The following N4BP2L1 variants were observed in gnomAD, a reference collection of about 807,000 sequenced individuals.
N4BP2L1 encodes NEDD4 binding protein 2 like 1.
In N4BP2L1, 12 loss-of-function variants were observed where a neutral mutation model predicts 21.2. The observed-to-expected ratio is 0.57, with a 90% CI of 0.36 to 0.92. The LOEUF is 0.92. N4BP2L1 is among the 40% of genes least tolerant of loss of function. The pLI, the probability that N4BP2L1 is intolerant of heterozygous loss-of-function variation, is 0.01. For synonymous variants in N4BP2L1, 104 were observed against 112.8 expected (o/e 0.92, Z 0.49); for missense variants, 259 against 310.6 (o/e 0.83, Z 1.25).
intron 1 of N4BP2L1, 105 bp downstream of exon 1, chr13:32,427,798 CG>C: frequency 1.5e-6 from 1 of 661,280 alleles, no homozygotes; most frequent in South Asian, 7.3e-5. Flanking sequence ...GCACCCGCGG[CG>C]GGGGCGCAAG....
At chr13:32,414,934 C>T (rs2074046223) in intron 1 of N4BP2L1, among the ~76,000 whole-genome samples, 1 of 152,114 alleles carries the variant, frequency 6.6e-6, no homozygotes, top group South Asian at 2.1e-4. Flanking sequence ...AGACAACAGG[C>T]TAGATGAGAA....
In N4BP2L1 at chr13:32,402,055, C is replaced by G; in HGVS notation, c.*887G>C. 2.0e-6 allele frequency: 2 copies of G among 985,438 alleles called. No homozygotes were observed. Among genetic ancestry groups the G allele is most frequent in the East Asian group, 1.1e-4 (1 of 8,820 alleles). The allele number at this position is 985,438 out of a possible 1,614,324, so 61.0% of individuals were successfully genotyped here. On this transcript the variant is annotated 3_prime_UTR_variant, in exon 5 of 5. Coordinates refer to ENST00000380130, the MANE Select transcript of N4BP2L1 (RefSeq NM_052818.3). ...TATATATCCCTGTATGACCTATATC[C>G]TGGGGTGCCTAATTTCTTGCACTCC...
At chr13:32,406,929 G>T (rs1566291517) in intron 3 of N4BP2L1, 2 of 357,560 alleles carry the variant, frequency 5.6e-6, no homozygotes, top group South Asian at 5.2e-5. Flanking sequence ...GTATTGATCT[G>T]AACATTTCGG....
At chr13:32,412,986 C>T (rs1471652156) in intron 1 of N4BP2L1, among the ~76,000 whole-genome samples, 1 of 152,158 alleles carries the variant, frequency 6.6e-6, no homozygotes, top group Admixed American at 6.5e-5. Context: ...TGCAGTGGCA[C>T]GATCTCGGCT....
At chr13:32,405,779 G>A (rs1264726160) in intron 3 of N4BP2L1, among the ~76,000 whole-genome samples, 2 of 151,114 alleles carry the variant, frequency 1.3e-5, no homozygotes, top group African/African-American at 2.4e-5. Context: ...AGCCCCAGAT[G>A]TAAAAAGAAG....
rs780233764 is a variant in N4BP2L1, at chr13:32,402,342, C to G, written c.*600G>C. On this transcript the variant is annotated 3_prime_UTR_variant, in exon 5 of 5. Transcript: ENST00000380130. ...GACAGCATTTTTAACAATGATACATCATTAAAATAAAGAAATAACTTCCCA... is the reference window on the plus strand; with the variant it reads ...GACAGCATTTTTAACAATGATACATGATTAAAATAAAGAAATAACTTCCCA... The G allele has an allele frequency of 3.4e-6, 2 of 585,162 alleles. No homozygotes were observed. The highest frequency in any genetic ancestry group is 4.3e-6 in the Non-Finnish European group (2 of 464,778). 36.2% of individuals were successfully genotyped at this position (585,162 alleles called of 1,614,324 possible). A position where few individuals can be genotyped will look rare whatever the true frequency, so the allele number is the denominator to read the frequency against.
rs1180447962 is a variant in N4BP2L1 at position 32,402,626 on chromosome 13, A to C, written c.*316T>G. The C allele has an allele frequency of 9.3e-7, 1 of 1,070,144 alleles. No individual in the cohort carries two copies. Among genetic ancestry groups the C allele is most frequent in the African/African-American group, 1.7e-5 (1 of 60,130 alleles). The allele number at this position is 1,070,144 out of a possible 1,614,324, so 66.3% of individuals were successfully genotyped here. ...CAAATGGTACTGAAGCTTATATATA[A>C]TATAAACACTTTATTTCATCTATGA... On this transcript the variant is annotated 3_prime_UTR_variant, in exon 5 of 5. Transcript: ENST00000380130.
At chr13:32,403,508 A>T in intron 4 of N4BP2L1, 1 of 430,914 alleles carries the variant, frequency 2.3e-6, no homozygotes. Context: ...TTAAAAAATC[A>T]TACATTTGCC....
chr13:32,415,070 A>G (rs1029501099), intron 1 of N4BP2L1, among the ~76,000 whole-genome samples: 2 of 152,256 alleles, frequency 1.3e-5, no homozygotes, highest in African/African-American at 4.8e-5. Context: ...TGGCTTCAAT[A>G]AAATTAAAAT....
At position 32,401,030 on chromosome 13, in the gene N4BP2L1, AT is replaced by A. The variant is rs1397938765; in HGVS notation, c.*1911del. The A allele has an allele frequency of 2.0e-5, 3 of 152,216 alleles. No individual in the cohort carries two copies. The highest frequency in any genetic ancestry group is 7.2e-5 in the African/African-American group (3 of 41,456). 9.4% of individuals were successfully genotyped at this position (152,216 alleles called of 1,614,324 possible). The stretch of plus-strand genomic sequence containing the variant: ...TATTCTTTAGAGCTCTAGAAAAGTT[AT>A]GTAACCCAGAGCCACTTCTCCATAG... On this transcript the variant is annotated 3_prime_UTR_variant, in exon 5 of 5. Transcript: ENST00000380130.
Position 32,402,997 on chromosome 13 carries a change from C to A in N4BP2L1, c.677G>T (p.Gly226Val). 3 of 1,613,952 alleles carry A rather than the reference C, an allele frequency of 1.9e-6. No homozygotes were observed. The highest frequency in any genetic ancestry group is 2.5e-6 in the Non-Finnish European group (3 of 1,179,890). ...TEFPNRRAHG[G>V]FTNESSYHRR... The stretch of plus-strand genomic sequence containing the variant: ...GTGATAGGAGCTCTCATTTGTAAAT[C>A]CACCGTGGGCCCTCCGGTTTGGAAA... Residue 226 changes from glycine to valine, a missense_variant, in exon 5 of 5, where the codon GGA becomes GTA. By Grantham distance (109) the Gly-to-Val change is moderately radical (BLOSUM62 -3). Coordinates refer to ENST00000380130, the MANE Select transcript of N4BP2L1 (RefSeq NM_052818.3).
intron 1 of N4BP2L1, among the ~76,000 whole-genome samples, chr13:32,408,280 C>A (rs940520997): frequency 6.6e-6 from 1 of 152,144 alleles, no homozygotes; most frequent in Non-Finnish European, 1.5e-5. Context: ...GAAACTAATT[C>A]TAGTGAGAAA....
chr13:32,427,913 G>A lies in N4BP2L1; in HGVS notation c.170C>T (p.Thr57Ile). Residue 57 changes from threonine (T) to isoleucine (I), a missense_variant, in exon 1 of 5, where the codon ACA becomes ATA. By Grantham distance (89) the Thr-to-Ile change is moderately conservative. Transcript: ENST00000380130. ...LRGLPGSGKT[T>I]LARQLQHDFP... The stretch of plus-strand genomic sequence containing the variant: ...AGACCGCTGTCATTACCTGGCCAGT[G>A]TAGTTTTCCCGGAGCCCGGGAGGCC... The A allele has an allele frequency of 6.6e-7, 1 of 1,517,326 alleles. No individual in the cohort carries two copies. Among genetic ancestry groups the A allele is most frequent in the Non-Finnish European group, 8.8e-7 (1 of 1,131,700 alleles). The allele number at this position is 1,517,326 out of a possible 1,614,324, so 94.0% of individuals were successfully genotyped here. A position where few individuals can be genotyped will look rare whatever the true frequency, so the allele number is the denominator to read the frequency against.
At position 32,402,556 on chromosome 13, in the gene N4BP2L1, C is replaced by A. The variant is rs530847190; in HGVS notation, c.*386G>T. On this transcript the variant is annotated 3_prime_UTR_variant, in exon 5 of 5. Transcript: ENST00000380130. ...CTTCTCTCCACCTTCCCAACTTTAC[C>A]GATGGAGATGAATTTCCTGAAAAAA... 1 of 988,968 alleles carries A rather than the reference C, an allele frequency of 1.0e-6. No homozygotes were observed. The allele number at this position is 988,968 out of a possible 1,614,324, so 61.3% of individuals were successfully genotyped here.
In N4BP2L1 at chr13:32,402,860, C is replaced by G. The variant is rs906140130; in HGVS notation, c.*82G>C. On this transcript the variant is annotated 3_prime_UTR_variant, in exon 5 of 5. Coordinates refer to ENST00000380130, the MANE Select transcript of N4BP2L1 (RefSeq NM_052818.3). ...AGCTATTTACACTGGAATTGGAGCT[C>G]TGACTAAAATGCAACAAAAAATAAC... 3 of 1,497,596 alleles carry G rather than the reference C, an allele frequency of 2.0e-6. No homozygotes were observed. The African/African-American group carries it at 4.2e-5, about 21-fold the overall frequency. The allele number at this position is 1,497,596 out of a possible 1,614,324, so 92.8% of individuals were successfully genotyped here. A position where few individuals can be genotyped will look rare whatever the true frequency, so the allele number is the denominator to read the frequency against.
intron 3 of N4BP2L1, chr13:32,406,329 A>C: frequency 6.6e-6 from 1 of 152,204 alleles, no homozygotes; most frequent in East Asian, 1.9e-4. Context: ...TCACAATTAA[A>C]GGATAATGTG....
chr13:32,416,595 G>A (rs1436101788), intron 1 of N4BP2L1: 1 of 152,164 alleles, frequency 6.6e-6, no homozygotes, highest in Non-Finnish European at 1.5e-5. Flanking sequence ...GAGCAGAGCA[G>A]ATGCTAAAAT....
chr13:32,426,353 C>G (rs2138017830), intron 1 of N4BP2L1, among the ~76,000 whole-genome samples: 1 of 152,278 alleles, frequency 6.6e-6, no homozygotes, highest in Non-Finnish European at 1.5e-5. Context: ...CCCACCATGA[C>G]TGTATCACAA....
Position 32,402,366 on chromosome 13 carries a change from C to G in N4BP2L1, c.*576G>C. 1.5e-6 allele frequency: 1 copy of G among 674,088 alleles called. No individual in the cohort carries two copies. The highest frequency in any genetic ancestry group is 1.8e-6 in the Non-Finnish European group (1 of 546,042). The allele number at this position is 674,088 out of a possible 1,614,324, so 41.8% of individuals were successfully genotyped here. On this transcript the variant is annotated 3_prime_UTR_variant, in exon 5 of 5. Coordinates refer to ENST00000380130, the MANE Select transcript of N4BP2L1 (RefSeq NM_052818.3). ...TCATTAAAATAAAGAAATAACTTCC[C>G]AAAGTGTCTACTTTGAAGGACAATG... is the stretch of plus-strand genomic sequence containing the variant.
Sources: allele counts gnomAD v4.1 joint callset (sites outside exome capture counted in the v4.1 genomes callset), GRCh38; gene constraint gnomAD v4.1.1; transcripts MANE v1.5; gene names NCBI Gene and HGNC (gene_info 2026-07-23, HGNC 2026-07-21).